The following ADGRB3 variants were observed in gnomAD, a reference collection of about 807,000 sequenced individuals.
The protein encoded by ADGRB3 is brain-specific angiogenesis inhibitor 3.
A neutral mutation model predicts 193.4 loss-of-function variants in ADGRB3; 37 were observed. The observed-to-expected ratio is 0.19, with a 90% CI of 0.15 to 0.25. The LOEUF is 0.25. Ranked by LOEUF, ADGRB3 falls within the 10% of genes least tolerant of loss-of-function variation. ADGRB3 has a pLI of 1.00. For synonymous variants in ADGRB3, 690 were observed against 644.2 expected, an observed-to-expected ratio of 1.07 and a Z score of -1.08; for missense variants, 1,637 against 1,852.9, an observed-to-expected ratio of 0.88 and a Z score of 2.14.
At chr6:69,018,525 A>G in intron 13 of ADGRB3, 26 bp downstream of exon 13, 1 of 1,513,256 alleles carries the variant, frequency 6.6e-7, no homozygotes, top group Non-Finnish European at 9.1e-7. Flanking sequence ...TTCCCCCAAA[A>G]TCTTTCTGAA....
chr6:68,967,598 A>AC (rs1247506420), intron 8 of ADGRB3, among the ~76,000 whole-genome samples: 2 of 149,754 alleles, frequency 1.3e-5, no homozygotes, highest in African/African-American at 4.9e-5. Flanking sequence ...TAGAGGATCC[A>AC]CCCCCCACCT....
intron 20 of ADGRB3, among the ~76,000 whole-genome samples, chr6:69,289,967 T>C (rs2127292145): frequency 6.6e-6 from 1 of 152,178 alleles, no homozygotes; most frequent in South Asian, 2.1e-4. Context: ...GAGGATTGGA[T>C]ACCCACAAAC....
chr6:69,032,884 A>G (rs1458793498), intron 13 of ADGRB3, among the ~76,000 whole-genome samples: 3 of 152,114 alleles, frequency 2.0e-5, no homozygotes. Flanking sequence ...TCTCCTGTAT[A>G]GTTGTCAAGA....
At chr6:68,755,936 C>CT (rs200177978) in intron 3 of ADGRB3, among the ~76,000 whole-genome samples, 3,403 of 152,040 alleles carry the variant, frequency 0.022, 64 homozygotes, top group South Asian at 0.075. Flanking sequence ...AAACAAAATA[C>CT]TTTTTTTTCC....
rs371505653 is a variant in ADGRB3, at chr6:68,834,203, A to C, written c.758-96356A>C. ...CAATTTTTCAGTCTATATAATACCCAAAATCACATGACATCATGTCAGTTT... is the reference window on the plus strand; with the variant it reads ...CAATTTTTCAGTCTATATAATACCCCAAATCACATGACATCATGTCAGTTT... On this transcript the variant is annotated intron_variant, in intron 3 of 31. Transcript: ENST00000370598. Among the ~76,000 whole-genome samples the C allele has an allele frequency of 1.4e-4, 21 of 152,174 alleles. No homozygotes were observed. The South Asian group carries it at 3.7e-3, about 27-fold the overall frequency.
Position 68,930,618 on chromosome 6 carries a change from A to G in ADGRB3, c.817A>G (p.Lys273Glu), listed in dbSNP as rs1265372478. ...KSQRPRSVHEKRVPQEQADAA... is the reference protein window; with the variant it reads ...KSQRPRSVHEERVPQEQADAA... ...TCAGCGACCTCGATCTGTTCATGAA[A>G]AAAGGGTCCCTCAGGAACAAGCTGA... The change falls in exon 4 of 32, where the codon AAA becomes GAA. Residue 273 changes from lysine to glutamate, a missense_variant. Transcript: ENST00000370598. The G allele has an allele frequency of 1.1e-5, 17 of 1,612,804 alleles. No homozygotes were observed. The highest frequency in any genetic ancestry group is 3.3e-5 in the Admixed American group (2 of 59,844).
chr6:69,315,068 GTTTA>G (rs1431147395), intron 20 of ADGRB3, among the ~76,000 whole-genome samples: 5 of 151,396 alleles, frequency 3.3e-5, no homozygotes, highest in South Asian at 2.1e-4. Flanking sequence ...TATAATTTTT[GTTTA>G]TTTATTATAA....
At chr6:68,680,120 C>T (rs1435332533) in intron 3 of ADGRB3, among the ~76,000 whole-genome samples, 2 of 152,000 alleles carry the variant, frequency 1.3e-5, no homozygotes, top group Admixed American at 6.6e-5. Flanking sequence ...GGATCTACCT[C>T]GAAGTTAGAT....
chr6:68,756,091 C>T (rs1296196132), intron 3 of ADGRB3, among the ~76,000 whole-genome samples: 1 of 152,110 alleles, frequency 6.6e-6, no homozygotes, highest in Non-Finnish European at 1.5e-5. Flanking sequence ...GGCACATTGG[C>T]ATGTTTCTGC....
chr6:68,830,913 A>G (rs1767939488), intron 3 of ADGRB3, among the ~76,000 whole-genome samples: 2 of 151,402 alleles, frequency 1.3e-5, no homozygotes, highest in Admixed American at 6.6e-5. Context: ...ACACTGTACT[A>G]AAGAATTTGG....
In ADGRB3 at chr6:69,067,580, G is replaced by A. The variant is rs1382538844; in HGVS notation, c.2436+4544G>A. 1.1e-4 allele frequency among the ~76,000 whole-genome samples: 16 copies of A among 152,108 alleles called. 1 individual carries two copies. The highest frequency in any genetic ancestry group is 1.0e-3 in the Admixed American group (16 of 15,248). On this transcript the variant is annotated intron_variant, in intron 16 of 31. Transcript: ENST00000370598. ...ACTTGGCAAAACTTTGAAAAGTTCA[G>A]TGTGTGCATCCGTAATTTTCACAAA...
At chr6:68,675,480 T>C (rs928300498) in intron 3 of ADGRB3, among the ~76,000 whole-genome samples, 2 of 152,040 alleles carry the variant, frequency 1.3e-5, no homozygotes, top group African/African-American at 4.8e-5. Context: ...AGAAATTAAT[T>C]TGAGTGAAAT....
At chr6:69,112,813 A>G (rs1773405315) in intron 17 of ADGRB3, among the ~76,000 whole-genome samples, 1 of 151,974 alleles carries the variant, frequency 6.6e-6, no homozygotes, top group Non-Finnish European at 1.5e-5. Flanking sequence ...GCTAGAGTGC[A>G]GTGGCACAAT....
At chr6:69,078,373 A>G (rs1243289593) in intron 17 of ADGRB3, among the ~76,000 whole-genome samples, 1 of 151,906 alleles carries the variant, frequency 6.6e-6, no homozygotes, top group African/African-American at 2.4e-5. Flanking sequence ...GATCATTCCT[A>G]TTTACATTTT....
chr6:68,800,307 A>C (rs2127370569), intron 3 of ADGRB3, among the ~76,000 whole-genome samples: 1 of 152,304 alleles, frequency 6.6e-6, no homozygotes. Flanking sequence ...ATGGGGAAGA[A>C]CAAATCAAAA....
At chr6:69,264,571 A>G (rs1358821084) in intron 20 of ADGRB3, among the ~76,000 whole-genome samples, 2 of 151,422 alleles carry the variant, frequency 1.3e-5, no homozygotes, top group East Asian at 1.9e-4. Flanking sequence ...TACCAAAGCT[A>G]TTATAGTGCT....
intron 3 of ADGRB3, among the ~76,000 whole-genome samples, chr6:68,832,674 A>AATTCT (rs1425028783): frequency 6.6e-6 from 1 of 152,126 alleles, no homozygotes; most frequent in African/African-American, 2.4e-5. Flanking sequence ...TAAGGGTTCA[A>AATTCT]ATTCTATGTG....
At chr6:68,655,332 AGTG>A (rs1366069210) in intron 3 of ADGRB3, among the ~76,000 whole-genome samples, 2 of 151,470 alleles carry the variant, frequency 1.3e-5, no homozygotes, top group South Asian at 2.1e-4. Flanking sequence ...TTTTCTGTGA[AGTG>A]GTGATGATTT....
At chr6:69,272,112 G>A (rs73745992) in intron 20 of ADGRB3, among the ~76,000 whole-genome samples, 14,351 of 152,146 alleles carry the variant, frequency 0.094, 728 homozygotes, top group Admixed American at 0.12. Flanking sequence ...ACATGCACAC[G>A]CTGCACCCAC....
Sources: gnomAD v4.1 joint callset for allele counts (sites outside exome capture counted in the v4.1 genomes callset) on GRCh38, gnomAD v4.1.1 for gene constraint, MANE v1.5 for transcripts, NCBI Gene and HGNC (gene_info 2026-07-23, HGNC 2026-07-21) for gene names.